VPS26A: variants seen among roughly 807,000 people sequenced by gnomAD.
VPS26A encodes the protein VPS26 retromer complex component A.
Under a neutral mutation model 42.4 loss-of-function variants are expected in VPS26A, and 22 were observed. The ratio of observed to expected loss-of-function variants is 0.52; its 90% CI spans 0.37 to 0.74. The LOEUF (loss-of-function observed/expected upper bound fraction) is 0.74, where lower values mean the gene tolerates loss of function less well. VPS26A is among the 30% of genes least tolerant of loss of function. The pLI is 0.00. For synonymous variants in VPS26A, 110 were observed against 123.5 expected (o/e 0.89, Z 0.73); for missense variants, 276 against 379.2 (o/e 0.73, Z 2.26).
intron 1 of VPS26A, among the ~76,000 whole-genome samples, chr10:69,124,893 T>G (rs1840617164): frequency 6.6e-6 from 1 of 152,244 alleles, no homozygotes; most frequent in Admixed American, 6.5e-5. Context: ...GCCCGCCGTT[T>G]TAAGCATTGG....
chr10:69,157,218 ACTGTTGATAT>A (rs1174327872), intron 4 of VPS26A, 55 bp downstream of exon 4: 1 of 1,526,142 alleles, frequency 6.6e-7, no homozygotes, highest in East Asian at 2.3e-5. Context: ...AGTAATGACT[ACTGTTGATAT>A]CTTATTTGAA....
At chr10:69,158,747 C>T (rs145348277) in intron 5 of VPS26A, among the ~76,000 whole-genome samples, 14 of 152,258 alleles carry the variant, frequency 9.2e-5, no homozygotes, top group African/African-American at 3.1e-4. Flanking sequence ...AATGAATCCT[C>T]ATGTACCCAT....
chr10:69,130,050 T>C (rs922108712), intron 1 of VPS26A, among the ~76,000 whole-genome samples: 40 of 152,220 alleles, frequency 2.6e-4, no homozygotes, highest in Admixed American at 1.8e-3. Flanking sequence ...TCCATTGATA[T>C]AGTTTGCTAC....
At chr10:69,148,177 G>T (rs1421623046) in intron 2 of VPS26A, among the ~76,000 whole-genome samples, 1 of 152,068 alleles carries the variant, frequency 6.6e-6, no homozygotes, top group Non-Finnish European at 1.5e-5. Flanking sequence ...AAGATAGTTG[G>T]TAATTATTTC....
chr10:69,160,724 T>A (rs905656165), intron 5 of VPS26A, among the ~76,000 whole-genome samples: 4 of 152,210 alleles, frequency 2.6e-5, no homozygotes, highest in African/African-American at 9.6e-5. Flanking sequence ...AGTGCTGGGA[T>A]TACAGGCGTG....
chr10:69,130,872 C>G (rs189388077), intron 1 of VPS26A, among the ~76,000 whole-genome samples: 2 of 152,258 alleles, frequency 1.3e-5, no homozygotes, highest in African/African-American at 4.8e-5. Context: ...TCCTCTAATT[C>G]TATTGCTGTT....
intron 1 of VPS26A, among the ~76,000 whole-genome samples, chr10:69,129,589 G>C (rs1208071106): frequency 6.6e-6 from 1 of 150,816 alleles, no homozygotes; most frequent in Non-Finnish European, 1.5e-5. Context: ...ACTCTGTCCC[G>C]AGGGCTGGAG....
chr10:69,151,284 C>CAAAAAACAAAAAAA (rs1162179375), intron 2 of VPS26A, among the ~76,000 whole-genome samples: 3 of 111,870 alleles, frequency 2.7e-5, no homozygotes, highest in African/African-American at 5.3e-5. Flanking sequence ...AAAAAAAAAA[C>CAAAAAACAAAAAAA]ACACACACAC....
intron 2 of VPS26A, among the ~76,000 whole-genome samples, chr10:69,150,161 C>A (rs896236195): frequency 6.6e-6 from 1 of 151,926 alleles, no homozygotes; most frequent in Non-Finnish European, 1.5e-5. Flanking sequence ...TCTAGTGATA[C>A]TCCCACCTCA....
intron 2 of VPS26A, among the ~76,000 whole-genome samples, chr10:69,146,869 G>T (rs1337114494): frequency 6.6e-6 from 1 of 152,268 alleles, no homozygotes; most frequent in Admixed American, 6.5e-5. Context: ...TGACCATTAT[G>T]AATAATACTG....
intron 1 of VPS26A, among the ~76,000 whole-genome samples, chr10:69,130,422 C>T (rs1424078748): frequency 2.6e-5 from 4 of 152,172 alleles, no homozygotes; most frequent in Non-Finnish European, 4.4e-5. Flanking sequence ...AAGAAGGACA[C>T]TAGCAAATTG....
intron 2 of VPS26A, among the ~76,000 whole-genome samples, chr10:69,153,771 G>A (rs555760600): frequency 6.6e-6 from 1 of 152,190 alleles, no homozygotes; most frequent in Non-Finnish European, 1.5e-5. Flanking sequence ...AGGTGTTCGA[G>A]ACCAGCCTGG....
intron 1 of VPS26A, 143 bp downstream of exon 1, chr10:69,124,423 C>T: frequency 1.0e-6 from 1 of 960,770 alleles, no homozygotes; most frequent in Non-Finnish European, 1.4e-6. Context: ...CGGGCCACCC[C>T]TGGGTCTGGG....
Position 69,160,886 on chromosome 10 carries a change from T to C in VPS26A, c.552-1520T>C, listed in dbSNP as rs549346421. 3.3e-5 allele frequency among the ~76,000 whole-genome samples: 5 copies of C among 152,340 alleles called. No homozygotes were observed. In the East Asian group the frequency reaches 5.8e-4, roughly 18 times the overall value. ...GGTACGTGGGAGCGACCTTTGGTTATTAGCTATCACAACAGCAGACTCAAC... is the reference window on the plus strand; with the variant it reads ...GGTACGTGGGAGCGACCTTTGGTTACTAGCTATCACAACAGCAGACTCAAC... On this transcript the variant is annotated intron_variant, in intron 5 of 8. Transcript: ENST00000263559.
chr10:69,149,734 G>GTTTTTTTTTTTTTTTTTTTT (rs869048277), intron 2 of VPS26A, among the ~76,000 whole-genome samples: 1 of 21,364 alleles, frequency 4.7e-5, no homozygotes, highest in African/African-American at 9.1e-5. Context: ...GGTGTTTTTT[G>GTTTTTTTTTTTTTTTTTTTT]TTTTTTTTTT....
chr10:69,161,054 G>A (rs747396538), intron 5 of VPS26A, among the ~76,000 whole-genome samples: 6 of 152,084 alleles, frequency 3.9e-5, no homozygotes, highest in Non-Finnish European at 7.4e-5. Flanking sequence ...AATATTTCAA[G>A]TATTTTTTGT....
chr10:69,171,232 C>T lies in VPS26A; in HGVS notation c.947C>T (p.Pro316Leu). 1 of 1,613,770 alleles carries T rather than the reference C, an allele frequency of 6.2e-7. No individual in the cohort carries two copies. The highest frequency in any genetic ancestry group is 8.5e-7 in the Non-Finnish European group (1 of 1,179,918). The change falls in exon 9 of 9, where the codon CCA becomes CTA. Residue 316 changes from proline (P) to leucine (L), a missense_variant. Pro to Leu is a moderately conservative substitution (Grantham distance 98). Coordinates refer to ENST00000263559, the MANE Select transcript of VPS26A (RefSeq NM_004896.5). ...AACTTTCACCAGCGATTTGAATCTC[C>T]AGAATCACAGGCATCTGCCGAACAG... ...RTNFHQRFESPESQASAEQPE... is the reference protein window; with the variant it reads ...RTNFHQRFESLESQASAEQPE...
chr10:69,129,049 T>A (rs1408361209), intron 1 of VPS26A, among the ~76,000 whole-genome samples: 2 of 151,940 alleles, frequency 1.3e-5, no homozygotes, highest in Non-Finnish European at 2.9e-5. Context: ...CTATCTCTGT[T>A]TTATAACTCA....
chr10:69,136,548 C>T (rs1046728303), intron 2 of VPS26A, among the ~76,000 whole-genome samples: 4 of 152,014 alleles, frequency 2.6e-5, no homozygotes, highest in East Asian at 1.9e-4. Context: ...GGATTACAGG[C>T]GTGAGCTACC....
Sources: allele counts gnomAD v4.1 joint callset (sites outside exome capture counted in the v4.1 genomes callset), GRCh38; gene constraint gnomAD v4.1.1; transcripts MANE v1.5; gene names NCBI Gene and HGNC (gene_info 2026-07-23, HGNC 2026-07-21).